XDH: variants seen among roughly 807,000 people sequenced by gnomAD.
XDH encodes the protein xanthine dehydrogenase/oxidase.
A neutral mutation model predicts 156.1 loss-of-function variants in XDH; 138 were observed. The observed-to-expected ratio is 0.88, with a 90% CI of 0.77 to 1.02. The LOEUF (loss-of-function observed/expected upper bound fraction) is 1.02, where lower values mean the gene tolerates loss of function less well. Ranked by LOEUF, XDH falls within the 50% of genes least tolerant of loss-of-function variation. The pLI, the probability that XDH is intolerant of heterozygous loss-of-function variation, is 0.00. For synonymous variants in XDH, 669 were observed against 625.7 expected (o/e 1.07, Z -1.03); for missense variants, 1,849 against 1,684.9 (o/e 1.10, Z -1.71).
chr2:31,361,508 T>C (rs1238932135), intron 24 of XDH, among the ~76,000 whole-genome samples: 2 of 152,184 alleles, frequency 1.3e-5, no homozygotes, highest in Admixed American at 6.5e-5. Context: ...GATGATCCAA[T>C]AGCTTATAAA....
chr2:31,372,368 G>A lies in XDH; in HGVS notation c.1716C>T (p.Asp572=). Residue 572 remains aspartate, a synonymous_variant, in exon 17 of 36, where the codon GAC becomes GAT. Coordinates refer to ENST00000379416, the MANE Select transcript of XDH (RefSeq NM_000379.4). The stretch of plus-strand genomic sequence containing the variant: ...GGTGGGGCAGGGGCCGGCCCACCAT[G>A]TCCTCCTCAGACTGACCCTTGGGCA... ...QEVPKGQSEE[D]MVGRPLPHLA... is the part of the protein sequence containing the mutation. 2 of 1,614,116 alleles carry A rather than the reference G, an allele frequency of 1.2e-6. No homozygotes were observed. Among genetic ancestry groups the A allele is most frequent in the Non-Finnish European group, 1.7e-6 (2 of 1,180,044 alleles).
At chr2:31,363,804 C>T (rs1226372622) in intron 24 of XDH, among the ~76,000 whole-genome samples, 1 of 151,890 alleles carries the variant, frequency 6.6e-6, no homozygotes, top group Non-Finnish European at 1.5e-5. Context: ...TCCACGCATG[C>T]TATATATAGT....
chr2:31,409,626 G>A (rs1444209313), intron 1 of XDH, among the ~76,000 whole-genome samples: 1 of 152,064 alleles, frequency 6.6e-6, no homozygotes, highest in African/African-American at 2.4e-5. Context: ...ATCTACAAAT[G>A]GCCAGCAAAT....
chr2:31,383,979 T>A, intron 9 of XDH, 132 bp from the exon 10 acceptor site: 3 of 863,724 alleles, frequency 3.5e-6, no homozygotes, highest in Non-Finnish European at 5.6e-6. Context: ...CTGGTGACTG[T>A]AGGTGTCTGG....
intron 30 of XDH, 58 bp from the exon 31 acceptor site, chr2:31,344,794 T>C (rs1685236777): frequency 6.3e-7 from 1 of 1,587,550 alleles, no homozygotes; most frequent in Non-Finnish European, 8.6e-7. Flanking sequence ...AACCCTGACC[T>C]GCCACTAAGC....
Position 31,349,787 on chromosome 2 carries a change from G to T in XDH, c.2868C>A (p.Phe956Leu), listed in dbSNP as rs745818776. 1.9e-6 allele frequency: 3 copies of T among 1,614,032 alleles called. No individual in the cohort carries two copies. Among genetic ancestry groups the T allele is most frequent in the Non-Finnish European group, 2.5e-6 (3 of 1,180,046 alleles). Residue 956 changes from phenylalanine to leucine, a missense_variant, in exon 26 of 36, where the codon TTC (phenylalanine) becomes TTA (leucine). Phe to Leu is a conservative substitution (Grantham distance 22, BLOSUM62 0). Coordinates refer to ENST00000379416, the MANE Select transcript of XDH (RefSeq NM_000379.4). ...AGGTGAAACCCTCAAGCTTCTGGTT[G>T]AAGTGTGTCAGGTCCCCTTCTTTGT... ...NLYKEGDLTH[F>L]NQKLEGFTLP...
intron 14 of XDH, among the ~76,000 whole-genome samples, chr2:31,376,239 A>C (rs1686241327): frequency 6.6e-6 from 1 of 151,106 alleles, no homozygotes; most frequent in African/African-American, 2.4e-5. Flanking sequence ...TAGTGGTAAC[A>C]AGATAGATAG....
At chr2:31,414,317 T>A (rs1293120338) in intron 1 of XDH, among the ~76,000 whole-genome samples, 1 of 151,802 alleles carries the variant, frequency 6.6e-6, no homozygotes, top group African/African-American at 2.4e-5. Context: ...AGAACTCAAC[T>A]CCCCTTTCTC....
intron 27 of XDH, 147 bp downstream of exon 27, chr2:31,348,752 C>A (rs1685370212): frequency 8.1e-6 from 6 of 743,020 alleles, no homozygotes; most frequent in South Asian, 6.4e-5. Context: ...TAGGACTGTG[C>A]AAGTTCGACT....
rs372545869 is a variant in XDH, at chr2:31,401,304, C to G, written c.222G>C (p.Leu74=). The G allele has an allele frequency of 1.2e-6, 2 of 1,614,062 alleles. No homozygotes were observed. Among genetic ancestry groups the G allele is most frequent in the African/African-American group, 1.3e-5 (1 of 74,930 alleles). The change falls in exon 4 of 36, where the codon CTG becomes CTC. Residue 74 remains leucine, a synonymous_variant. Coordinates refer to ENST00000379416, the MANE Select transcript of XDH (RefSeq NM_000379.4). ...KIVHFSANAC[L]APICSLHHVA... is the part of the protein sequence containing the mutation. ...CATGGTGCAAGGAGCAGATGGGGGCCAGGCAGGCATTGGCAGAAAAGTGGC... is the reference window on the plus strand; with the variant it reads ...CATGGTGCAAGGAGCAGATGGGGGCGAGGCAGGCATTGGCAGAAAAGTGGC...
At chr2:31,336,764 G>T (rs1377597808) in intron 35 of XDH, among the ~76,000 whole-genome samples, 1 of 130,058 alleles carries the variant, frequency 7.7e-6, no homozygotes, top group African/African-American at 3.0e-5. Flanking sequence ...TCCCCACTTG[G>T]GACCACATGT....
chr2:31,388,240 T>C lies in XDH; in HGVS notation c.551A>G (p.Lys184Arg). 1 of 1,614,198 alleles carries C rather than the reference T, an allele frequency of 6.2e-7. No individual in the cohort carries two copies. The highest frequency in any genetic ancestry group is 8.5e-7 in the Non-Finnish European group (1 of 1,180,026). ...GNNPNCCMNQ[K>R]KDHSVSLSPS... ...GAACTCACTTACTGAGTGGTCTTTC[T>C]TCTGGTTCATGCAGCAATTTGGATT... The change falls in exon 7 of 36, where the codon AAG (lysine) becomes AGG (arginine). Residue 184 changes from lysine to arginine, a missense_variant. Lys to Arg is a conservative substitution (Grantham distance 26). Transcript: ENST00000379416.
Position 31,387,835 on chromosome 2 carries a change from C to G in XDH, c.627G>C (p.Glu209Asp), listed in dbSNP as rs45575032. The change falls in exon 8 of 36, where the codon GAG (glutamate) becomes GAC (aspartate). Residue 209 changes from glutamate (E) to aspartate (D), a missense_variant. Glu to Asp is a conservative substitution (Grantham distance 45). Coordinates refer to ENST00000379416, the MANE Select transcript of XDH (RefSeq NM_000379.4). Reference protein sequence around the residue: ...EEFTPLDPTQEPIFPPELLRL... With the variant: ...EEFTPLDPTQDPIFPPELLRL... ...CCAGCAACTCTGGGGGAAAAATGGG[C>G]TCCTGGGTTGGATCCAGGGGCGTGA... The G allele has an allele frequency of 1.3e-6, 2 of 1,586,148 alleles. No homozygotes were observed. Among genetic ancestry groups the G allele is most frequent in the East Asian group, 2.3e-5 (1 of 44,122 alleles).
intron 33 of XDH, among the ~76,000 whole-genome samples, 170 bp downstream of exon 33, chr2:31,341,159 G>T (rs1241830844): frequency 6.6e-6 from 1 of 152,146 alleles, no homozygotes; most frequent in Non-Finnish European, 1.5e-5. Flanking sequence ...TTGAGGGTTG[G>T]TTGGACTATC....
Position 31,373,948 on chromosome 2 carries a change from A to G in XDH, c.1611T>C (p.Gly537=), listed in dbSNP as rs1686152450. The part of the protein sequence containing the change: ...LGQENLEDKC[G]KLDPTFASAT... Reference sequence around the variant, plus strand: ...CACTGGCGAAAGTGGGGTCCAGTTTACCACACTTCTGTGGAGACAAGAAAA... The same window carrying G: ...CACTGGCGAAAGTGGGGTCCAGTTTGCCACACTTCTGTGGAGACAAGAAAA... The change falls in exon 16 of 36, where the codon GGT becomes GGC. Residue 537 remains glycine, a synonymous_variant. Coordinates refer to ENST00000379416, the MANE Select transcript of XDH (RefSeq NM_000379.4). 6.2e-7 allele frequency: 1 copy of G among 1,613,520 alleles called. No homozygotes were observed.
chr2:31,361,171 T>C (rs1685766978), intron 24 of XDH, among the ~76,000 whole-genome samples: 1 of 152,234 alleles, frequency 6.6e-6, no homozygotes, highest in African/African-American at 2.4e-5. Context: ...CTGAATAACT[T>C]GTATGCTACA....
intron 4 of XDH, 134 bp from the exon 5 acceptor site, chr2:31,398,833 C>T: frequency 7.1e-7 from 1 of 1,417,940 alleles, no homozygotes. Context: ...GCCCCAGTGC[C>T]ACCATTTACC....
At chr2:31,378,139 G>A (rs955020925) in intron 13 of XDH, among the ~76,000 whole-genome samples, 61 of 91,488 alleles carry the variant, frequency 6.7e-4, no homozygotes, top group African/African-American at 2.2e-3. Flanking sequence ...AGGAAGGAAG[G>A]AAGGAAGGAA....
At chr2:31,368,239 A>G (rs2148769093) in intron 19 of XDH, among the ~76,000 whole-genome samples, 182 bp from the exon 20 acceptor site, 1 of 152,316 alleles carries the variant, frequency 6.6e-6, no homozygotes, top group Admixed American at 6.5e-5. Flanking sequence ...ATATTCCTCC[A>G]TTTCCTCAGC....
Sources: gnomAD v4.1 joint callset for allele counts (sites outside exome capture counted in the v4.1 genomes callset) on GRCh38, gnomAD v4.1.1 for gene constraint, MANE v1.5 for transcripts, NCBI Gene and HGNC (gene_info 2026-07-23, HGNC 2026-07-21) for gene names.